Variants in CTH observed in about 807,000 individuals in gnomAD.
CTH encodes the protein cystathionase (cystathionine gamma-lyase).
A neutral mutation model predicts 50.6 loss-of-function variants in CTH; 41 were observed. The observed-to-expected ratio is 0.81, with a 90% confidence interval of 0.63 to 1.05. The LOEUF (loss-of-function observed/expected upper bound fraction) is 1.05, where lower values mean the gene tolerates loss of function less well. Ranked by LOEUF, CTH falls within the 50% of genes least tolerant of loss-of-function variation. The probability of loss-of-function intolerance (pLI) is 0.00; values close to 1 mark genes in which losing one functional copy is unlikely to be tolerated. For missense variants in CTH, 470 were observed against 492.6 expected, an observed-to-expected ratio of 0.95 and a Z score of 0.43; for synonymous variants, 156 against 168.9, an observed-to-expected ratio of 0.92 and a Z score of 0.59.
At position 70,415,966 on chromosome 1, in the gene CTH, A is replaced by G; in HGVS notation, c.179A>G (p.Tyr60Cys). ...GAPGQHSGFE[Y>C]SRSGNPTRNC... Reference sequence around the variant, plus strand: ...ACTTGTTTTTTTCAGGGTTTTGAATATAGCCGTTCTGGAAATCCCACTAGG... The same window carrying G: ...ACTTGTTTTTTTCAGGGTTTTGAATGTAGCCGTTCTGGAAATCCCACTAGG... Residue 60 changes from tyrosine to cysteine, a missense_variant, in exon 2 of 12, where the codon TAT becomes TGT. Tyr to Cys is a radical substitution (Grantham distance 194). Coordinates refer to ENST00000370938, the MANE Select transcript of CTH (RefSeq NM_001902.6). 1 of 1,606,828 alleles carries G rather than the reference A, an allele frequency of 6.2e-7. No homozygotes were observed. The highest frequency in any genetic ancestry group is 8.5e-7 in the Non-Finnish European group (1 of 1,173,298).
At chr1:70,437,170 T>C (rs550163137) in intron 10 of CTH, among the ~76,000 whole-genome samples, 19 of 152,310 alleles carry the variant, frequency 1.2e-4, no homozygotes, top group Non-Finnish European at 2.4e-4. Flanking sequence ...AATTTTAAAA[T>C]GTGGACAACA....
intron 3 of CTH, among the ~76,000 whole-genome samples, chr1:70,419,273 G>T (rs1207953025): frequency 6.6e-6 from 1 of 152,106 alleles, no homozygotes; most frequent in Non-Finnish European, 1.5e-5. Context: ...GAATAGTGCC[G>T]CAATAAACAT....
chr1:70,433,046 A>G lies in CTH; in HGVS notation c.878-782A>G, dbSNP rs944537583. Among the ~76,000 whole-genome samples the G allele has an allele frequency of 6.6e-5, 10 of 152,206 alleles. No individual in the cohort carries two copies. In the South Asian group the frequency reaches 1.7e-3, roughly 25 times the overall value. The stretch of plus-strand genomic sequence containing the variant: ...TATTCCTTCACCTCTTCCAGCATCT[A>G]GAAAGTCTTCTGTGGAGTTGGCTGA... On this transcript the variant is annotated intron_variant, in intron 8 of 11. Coordinates refer to ENST00000370938, the MANE Select transcript of CTH (RefSeq NM_001902.6).
intron 8 of CTH, among the ~76,000 whole-genome samples, 196 bp downstream of exon 8, chr1:70,432,431 T>C (rs1476018342): frequency 1.3e-5 from 2 of 152,216 alleles, no homozygotes; most frequent in African/African-American, 4.8e-5. Context: ...TACTGTTGTA[T>C]TGCCTCTAGT....
intron 4 of CTH, among the ~76,000 whole-genome samples, chr1:70,423,515 T>G (rs1196993219): frequency 6.6e-6 from 1 of 151,834 alleles, no homozygotes. Flanking sequence ...AAGCTGCCGT[T>G]AGCTGTGATC....
At chr1:70,420,779 A>G (rs1202383440) in intron 3 of CTH, among the ~76,000 whole-genome samples, 1 of 152,162 alleles carries the variant, frequency 6.6e-6, no homozygotes, top group Non-Finnish European at 1.5e-5. Context: ...TACTTTTATA[A>G]TGCAATATAA....
intron 2 of CTH, among the ~76,000 whole-genome samples, chr1:70,416,780 G>A (rs1165478797): frequency 6.6e-6 from 1 of 151,938 alleles, no homozygotes; most frequent in Non-Finnish European, 1.5e-5. Flanking sequence ...GGCCAGGCTG[G>A]TCTCGATCTC....
At chr1:70,434,194 A>G (rs1414845654) in intron 9 of CTH, among the ~76,000 whole-genome samples, 1 of 152,242 alleles carries the variant, frequency 6.6e-6, no homozygotes, top group Non-Finnish European at 1.5e-5. Flanking sequence ...ATTCTAATGC[A>G]TTTATTTAAA....
chr1:70,433,681 C>A, intron 8 of CTH, 147 bp from the exon 9 acceptor site: 3 of 1,263,456 alleles, frequency 2.4e-6, no homozygotes, highest in Non-Finnish European at 3.3e-6. Flanking sequence ...GAGATAGGGG[C>A]CCAAGCAAGT....
At chr1:70,432,275 C>G in intron 8 of CTH, 40 bp downstream of exon 8, 1 of 1,607,388 alleles carries the variant, frequency 6.2e-7, no homozygotes, top group South Asian at 1.1e-5. Context: ...ACTAGGATTT[C>G]AGCAGTTATC....
intron 10 of CTH, among the ~76,000 whole-genome samples, chr1:70,437,261 C>T (rs985274070): frequency 6.6e-6 from 1 of 152,176 alleles, no homozygotes; most frequent in African/African-American, 2.4e-5. Flanking sequence ...ACTAAGTACC[C>T]AATAAACGTT....
At chr1:70,427,501 G>A (rs1684369267) in intron 5 of CTH, among the ~76,000 whole-genome samples, 1 of 152,086 alleles carries the variant, frequency 6.6e-6, no homozygotes, top group South Asian at 2.1e-4. Flanking sequence ...TTCTCTTTTG[G>A]CTGTAGAGTT....
chr1:70,432,686 T>G lies in CTH; in HGVS notation c.877+451T>G, dbSNP rs1047533853. On this transcript the variant is annotated intron_variant, in intron 8 of 11. Coordinates refer to ENST00000370938, the MANE Select transcript of CTH (RefSeq NM_001902.6). ...CCCCTGAGGTTCTCTCTCTCTCTTTTTTTTTTTTTTTTTTTTTGAGACGGA... is the reference window on the plus strand; with the variant it reads ...CCCCTGAGGTTCTCTCTCTCTCTTTGTTTTTTTTTTTTTTTTTGAGACGGA... Among the ~76,000 whole-genome samples, 3 of 145,594 alleles carry G rather than the reference T, an allele frequency of 2.1e-5. No individual in the cohort carries two copies. The East Asian group carries it at 6.0e-4, about 29-fold the overall frequency.
intron 4 of CTH, 31 bp from the exon 5 acceptor site, chr1:70,424,254 C>G: frequency 1.2e-6 from 2 of 1,613,680 alleles, no homozygotes; most frequent in South Asian, 2.2e-5. Flanking sequence ...TATATTTTTA[C>G]AAACTACTGT....
At chr1:70,422,685 C>G (rs1175839063) in intron 4 of CTH, among the ~76,000 whole-genome samples, 1 of 149,866 alleles carries the variant, frequency 6.7e-6, no homozygotes, top group Non-Finnish European at 1.5e-5. Context: ...AATCCCAGCT[C>G]ACTGCAAGCT....
intron 6 of CTH, 104 bp from the exon 7 acceptor site, chr1:70,430,213 G>C: frequency 1.4e-6 from 1 of 736,824 alleles, no homozygotes; most frequent in Non-Finnish European, 2.4e-6. Context: ...TTCCCTGAGA[G>C]TTTTTTCAAG....
At chr1:70,436,553 C>T (rs1300314089) in intron 10 of CTH, among the ~76,000 whole-genome samples, 10 of 151,712 alleles carry the variant, frequency 6.6e-5, no homozygotes, top group Non-Finnish European at 1.3e-4. Context: ...TATGGAATAA[C>T]TTGTTTTGCA....
In CTH at chr1:70,439,091, G is replaced by GTTA; in HGVS notation, c.1192-5_1192-3dup. 1 of 1,611,362 alleles carries GTTA rather than the reference G, an allele frequency of 6.2e-7. No homozygotes were observed. The highest frequency in any genetic ancestry group is 8.5e-7 in the Non-Finnish European group (1 of 1,177,500). The stretch of plus-strand genomic sequence containing the variant: ...TAATAACATATTTTTCTTGTGCACT[G>GTTA]TTATTATAGCACCCTCCAAGTGGAA... On this transcript the variant is annotated splice_polypyrimidine_tract_variant and intron_variant, in intron 11 of 11. Transcript: ENST00000370938.
chr1:70,435,000 C>A, intron 9 of CTH, 125 bp from the exon 10 acceptor site: 1 of 776,324 alleles, frequency 1.3e-6, no homozygotes, highest in Non-Finnish European at 2.0e-6. Flanking sequence ...ATCCGCCTGA[C>A]TTGGCCTCCC....
Sources: allele counts gnomAD v4.1 joint callset (sites outside exome capture counted in the v4.1 genomes callset), GRCh38; gene constraint gnomAD v4.1.1; transcripts MANE v1.5; gene names NCBI Gene and HGNC (gene_info 2026-07-23, HGNC 2026-07-21).